Variants in PRPF19 observed in about 807,000 individuals in gnomAD.
PRPF19 encodes the protein pre-mRNA processing factor 19.
A neutral mutation model predicts 64.2 loss-of-function variants in PRPF19; 2 were observed. The ratio of observed to expected loss-of-function variants is 0.03; its 90% CI spans 0.01 to 0.10. PRPF19 has a LOEUF of 0.10. Ranked by LOEUF, PRPF19 falls within the 10% of genes least tolerant of loss-of-function variation. The probability of loss-of-function intolerance (pLI) is 1.00; values close to 1 mark genes in which losing one functional copy is unlikely to be tolerated. For synonymous variants in PRPF19, 226 were observed against 251.6 expected, an observed-to-expected ratio of 0.90 and a Z score of 0.96; for missense variants, 314 against 650.0, an observed-to-expected ratio of 0.48 and a Z score of 5.62.
rs200058875 is a variant in PRPF19 at position 60,906,351 on chromosome 11, A to T, written c.19+13T>A. 158 of 1,599,848 alleles carry T rather than the reference A, an allele frequency of 9.9e-5. No homozygotes were observed. In the African/African-American group the frequency reaches 1.8e-3, roughly 18 times the overall value. ...CCTCCTGAGACCCGCGCTTGGCCGC[A>T]GCCAACACTCACTGGAGCAGATTAG... is the stretch of plus-strand genomic sequence containing the variant. On this transcript the variant is annotated intron_variant, in intron 1 of 15. Transcript: ENST00000227524.
At chr11:60,903,973 A>G in intron 1 of PRPF19, 112 bp from the exon 2 acceptor site, 1 of 1,329,726 alleles carries the variant, frequency 7.5e-7, no homozygotes, top group Non-Finnish European at 1.0e-6. Flanking sequence ...CTCAACTAGC[A>G]GAAAGCAAGA....
chr11:60,898,849 T>C lies in PRPF19; in HGVS notation c.1054+13A>G, dbSNP rs975336793. On this transcript the variant is annotated intron_variant, in intron 12 of 15. Coordinates refer to ENST00000227524, the MANE Select transcript of PRPF19 (RefSeq NM_014502.5). The surrounding 1 kb of genome is among the most constrained non-coding windows in gnomAD (Gnocchi z 4.6). ...AGCAAACAAAAAAGCTGAGTGCCTA[T>C]GAGGCAACTTACAGCAGCCGGAGGT... The C allele has an allele frequency of 3.1e-6, 5 of 1,588,148 alleles. No homozygotes were observed. Among genetic ancestry groups the C allele is most frequent in the African/African-American group, 2.7e-5 (2 of 74,378 alleles).
At chr11:60,901,201 C>T in intron 8 of PRPF19, 94 bp downstream of exon 8, 1 of 1,347,528 alleles carries the variant, frequency 7.4e-7, no homozygotes, top group Non-Finnish European at 1.0e-6. Context: ...GAACCTGGGA[C>T]AGCTCTGCAC....
rs1855995764 is a variant in PRPF19, at chr11:60,902,586, A to G, written c.459T>C (p.Val153=). 1 of 1,613,558 alleles carries G rather than the reference A, an allele frequency of 6.2e-7. No homozygotes were observed. Among genetic ancestry groups the G allele is most frequent in the Non-Finnish European group, 8.5e-7 (1 of 1,179,550 alleles). The change falls in exon 5 of 16, where the codon GTT becomes GTC. Residue 153 remains valine, a synonymous_variant. Coordinates refer to ENST00000227524, the MANE Select transcript of PRPF19 (RefSeq NM_014502.5). This position sits in a 1 kb window ranked among gnomAD's most constrained non-coding sequence, Gnocchi z 5.0. ...PQAVPSSQPS[V]VGAGEPMDLG... is the part of the protein sequence containing the mutation. ...GTAAGGGAAGGGGGACACTTACCAC[A>G]ACACTTGGTTGGGAACTTGGCACAG... is the stretch of plus-strand genomic sequence containing the variant.
At chr11:60,896,277 C>T (rs1017576314) in intron 15 of PRPF19, among the ~76,000 whole-genome samples, 5 of 152,208 alleles carry the variant, frequency 3.3e-5, no homozygotes, top group African/African-American at 9.6e-5. Context: ...AGGAGGTATC[C>T]GAGAAGAAGG....
At position 60,891,259 on chromosome 11, in the gene PRPF19, A is replaced by G. The variant is rs148949526; in HGVS notation, c.1422T>C (p.His474=). 327 of 1,612,894 alleles carry G rather than the reference A, an allele frequency of 2.0e-4. No homozygotes were observed. In the African/African-American group the frequency reaches 3.8e-3, roughly 19 times the overall value. ...QWTEILHFTE[H]SGLTTGVAFG... is the part of the protein sequence containing the mutation. ...AGGCCACCCCTGTGGTCAGGCCGCT[A>G]TGCTCTGAGGAGAAAGATAAGAGGC... Residue 474 remains histidine (H), a synonymous_variant, in exon 16 of 16, where the codon CAT becomes CAC. Transcript: ENST00000227524.
intron 15 of PRPF19, among the ~76,000 whole-genome samples, chr11:60,895,168 A>G (rs1227849401): frequency 9.9e-5 from 15 of 152,238 alleles, no homozygotes; most frequent in Non-Finnish European, 2.2e-4. Context: ...ACTTCTCTCT[A>G]GCTGTGCAAG....
At position 60,903,772 on chromosome 11, in the gene PRPF19, T is replaced by A; in HGVS notation, c.109A>T (p.Asn37Tyr). The A allele has an allele frequency of 6.2e-7, 1 of 1,604,692 alleles. No individual in the cohort carries two copies. The change falls in exon 2 of 16, where the codon AAT (asparagine) becomes TAT (tyrosine). Residue 37 changes from asparagine to tyrosine, a missense_variant. Around this residue, in one of 7 missense-constraint regions of PRPF19, gnomAD observed 66 missense variants for 88.4 expected, o/e 0.75. Coordinates refer to ENST00000227524, the MANE Select transcript of PRPF19 (RefSeq NM_014502.5). ...TGGTTGTTGATGGGGTCGGTACCATTCTCCGCAATGTACTTCTCGATGAGC... is the reference window on the plus strand; with the variant it reads ...TGGTTGTTGATGGGGTCGGTACCATACTCCGCAATGTACTTCTCGATGAGC... ...RRLIEKYIAE[N>Y]GTDPINNQPL...
At position 60,891,211 on chromosome 11, in the gene PRPF19, G is replaced by C. The variant is rs923323582; in HGVS notation, c.1470C>G (p.Ile490Met). ...GGCTTCTGTCCATGCCTGTTGAAGC[G>C]ATGAACTTGGCGTGATGCCCGAAGG... is the stretch of plus-strand genomic sequence containing the variant. Reference protein sequence around the residue: ...GVAFGHHAKFIASTGMDRSLK... With the variant: ...GVAFGHHAKFMASTGMDRSLK... Residue 490 changes from isoleucine to methionine, a missense_variant, in exon 16 of 16, where the codon ATC (isoleucine) becomes ATG (methionine). Coordinates refer to ENST00000227524, the MANE Select transcript of PRPF19 (RefSeq NM_014502.5). 1 of 1,611,944 alleles carries C rather than the reference G, an allele frequency of 6.2e-7. No homozygotes were observed. Among genetic ancestry groups the C allele is most frequent in the Non-Finnish European group, 8.5e-7 (1 of 1,179,058 alleles).
In PRPF19 at chr11:60,899,301, G is replaced by A; in HGVS notation, c.832C>T (p.Leu278=). The part of the protein sequence containing the change: ...TSVVFHPSQD[L]VFSASPDATI... ...GCATCGGGGGAAGCAGAAAACACCA[G>A]GTCCTACAAGGAAAACAAAGACAGA... is the stretch of plus-strand genomic sequence containing the variant. The change falls in exon 11 of 16, where the codon CTG becomes TTG. Residue 278 remains leucine (L), a synonymous_variant. Coordinates refer to ENST00000227524, the MANE Select transcript of PRPF19 (RefSeq NM_014502.5). 6.2e-7 allele frequency: 1 copy of A among 1,609,704 alleles called. No homozygotes were observed. The highest frequency in any genetic ancestry group is 1.1e-5 in the South Asian group (1 of 90,950).
In PRPF19 at chr11:60,902,142, C is replaced by G. The variant is rs937328699; in HGVS notation, c.525+261G>C. On this transcript the variant is annotated intron_variant, in intron 6 of 15. Coordinates refer to ENST00000227524, the MANE Select transcript of PRPF19 (RefSeq NM_014502.5). This position sits in a 1 kb window ranked among gnomAD's most constrained non-coding sequence, Gnocchi z 5.0. Reference sequence around the variant, plus strand: ...ATGAAATCTTTTAAATTCCCACAGCCTGCCTATACAGTGGATATGATCATA... The same window carrying G: ...ATGAAATCTTTTAAATTCCCACAGCGTGCCTATACAGTGGATATGATCATA... Among the ~76,000 whole-genome samples, 2 of 152,200 alleles carry G rather than the reference C, an allele frequency of 1.3e-5. No individual in the cohort carries two copies. The highest frequency in any genetic ancestry group is 2.9e-5 in the Non-Finnish European group (2 of 68,040).
In PRPF19 at chr11:60,902,451, T is replaced by G. The variant is rs1855993724; in HGVS notation, c.477A>C (p.Pro159=). ...TTCCCACCAGCTCACCCAAATCCAT[T>G]GGCTCACCCGCACCCTGAAGAGAAG... is the stretch of plus-strand genomic sequence containing the variant. ...SQPSVVGAGE[P]MDLGELVGMT... is the part of the protein sequence containing the mutation. Residue 159 remains proline, a synonymous_variant, in exon 6 of 16, where the codon CCA becomes CCC. Transcript: ENST00000227524. This position sits in a 1 kb window ranked among gnomAD's most constrained non-coding sequence, Gnocchi z 5.0. The G allele has an allele frequency of 6.2e-7, 1 of 1,613,908 alleles. No individual in the cohort carries two copies. Among genetic ancestry groups the G allele is most frequent in the Non-Finnish European group, 8.5e-7 (1 of 1,179,982 alleles).
At position 60,890,678 on chromosome 11, in the gene PRPF19, T is replaced by G; in HGVS notation, c.*488A>C. On this transcript the variant is annotated 3_prime_UTR_variant, in exon 16 of 16. Coordinates refer to ENST00000227524, the MANE Select transcript of PRPF19 (RefSeq NM_014502.5). The stretch of plus-strand genomic sequence containing the variant: ...CAGTGTGTGCTCCCTCCCCTTGACC[T>G]TCCCAGTCCCAGGTGCTCCTGGTGC... 1 of 452,168 alleles carries G rather than the reference T, an allele frequency of 2.2e-6. No individual in the cohort carries two copies. Among genetic ancestry groups the G allele is most frequent in the Non-Finnish European group, 4.5e-6 (1 of 224,430 alleles). 28.0% of individuals were successfully genotyped at this position (452,168 alleles called of 1,614,324 possible). A position where few individuals can be genotyped will look rare whatever the true frequency, so the allele number is the denominator to read the frequency against.
In PRPF19 at chr11:60,898,891, G is replaced by A. The variant is rs982889966; in HGVS notation, c.1025C>T (p.Thr342Ile). The change falls in exon 12 of 16, where the codon ACC becomes ATC. Residue 342 changes from threonine (T) to isoleucine (I), a missense_variant. Coordinates refer to ENST00000227524, the MANE Select transcript of PRPF19 (RefSeq NM_014502.5). This position sits in a 1 kb window ranked among gnomAD's most constrained non-coding sequence, Gnocchi z 4.6. ...FSDIQTGRVL[T>I]KVTDETSGCS... ...GCCGGAGGTCTCATCTGTCACCTTG[G>A]TGAGCACACGCCCTGTCTGGATGTC... The A allele has an allele frequency of 2.5e-6, 4 of 1,605,844 alleles. No individual in the cohort carries two copies. The highest frequency in any genetic ancestry group is 3.4e-6 in the Non-Finnish European group (4 of 1,176,044).
chr11:60,891,337 G>T, intron 15 of PRPF19, 74 bp from the exon 16 acceptor site: 2 of 1,130,626 alleles, frequency 1.8e-6, no homozygotes, highest in Non-Finnish European at 2.6e-6. Flanking sequence ...CCTAATAACA[G>T]ATTCCCAAAC....
At chr11:60,899,004 CAG>C in intron 11 of PRPF19, 73 bp from the exon 12 acceptor site, 3 of 1,513,020 alleles carry the variant, frequency 2.0e-6, no homozygotes, top group Non-Finnish European at 2.7e-6. Context: ...TTCAGCAAGA[CAG>C]AGCCCCTGGT....
chr11:60,904,939 CCCCATCCTGAAGCTATTG>C (rs1456936850), intron 1 of PRPF19, among the ~76,000 whole-genome samples: 1 of 152,200 alleles, frequency 6.6e-6, no homozygotes, highest in African/African-American at 2.4e-5. Context: ...GGTGACCAGT[CCCCATCCTGAAGCTATTG>C]AGTCTACCAG....
intron 2 of PRPF19, 35 bp downstream of exon 2, chr11:60,903,677 T>A: frequency 6.3e-7 from 1 of 1,579,882 alleles, no homozygotes; most frequent in Non-Finnish European, 8.6e-7. Flanking sequence ...GGCTCTGAGC[T>A]AAGATGGCCC....
intron 9 of PRPF19, 22 bp downstream of exon 9, chr11:60,900,832 C>A (rs201654787): frequency 6.2e-7 from 1 of 1,614,008 alleles, no homozygotes; most frequent in African/African-American, 1.3e-5. Flanking sequence ...TTTGGCCTGC[C>A]GGGCTAGGCC....
Sources: allele counts gnomAD v4.1 joint callset (sites outside exome capture counted in the v4.1 genomes callset), GRCh38; gene constraint gnomAD v4.1.1; regional missense constraint gnomAD v4.1.1; non-coding constraint Gnocchi (gnomAD v3.1); transcripts MANE v1.5; gene names NCBI Gene and HGNC (gene_info 2026-07-23, HGNC 2026-07-21).